The following LRFN5 variants were observed in gnomAD, a reference collection of about 807,000 sequenced individuals.
LRFN5 encodes leucine rich repeat and fibronectin type III domain containing 5.
In LRFN5, 24 loss-of-function variants were observed where a neutral mutation model predicts 45.6. The observed-to-expected ratio is 0.53, with a 90% CI of 0.38 to 0.74. The LOEUF (loss-of-function observed/expected upper bound fraction) is 0.74. Among genes scored for constraint, LRFN5 ranks in the 30% least tolerant of loss-of-function variants. The pLI, the probability that LRFN5 is intolerant of heterozygous loss-of-function variation, is 0.00. For missense variants in LRFN5, 776 were observed against 861.5 expected (o/e 0.90, Z 1.24); for synonymous variants, 340 against 313.8 (o/e 1.08, Z -0.88).
intron 1 of LRFN5, among the ~76,000 whole-genome samples, chr14:41,630,130 C>T (rs1888484067): frequency 1.3e-5 from 2 of 152,068 alleles, no homozygotes; most frequent in African/African-American, 4.8e-5. Flanking sequence ...TGACAGTTTT[C>T]TCAGAGGTTT....
rs534516455 is a variant in LRFN5, at chr14:41,674,778, C to T, written c.-197+66216C>T. Among the ~76,000 whole-genome samples, 183 of 151,114 alleles carry T rather than the reference C, an allele frequency of 1.2e-3. 3 individuals are homozygous for T. The highest frequency in any genetic ancestry group is 0.011 in the Admixed American group (173 of 15,246). Reference sequence around the variant, plus strand: ...CTCACTTCCCAGACGGGGTGGCTGCCGGGCGGAGAGGCTCCTCACTTCTCA... The same window carrying T: ...CTCACTTCCCAGACGGGGTGGCTGCTGGGCGGAGAGGCTCCTCACTTCTCA... On this transcript the variant is annotated intron_variant, in intron 1 of 5. Transcript: ENST00000298119.
At chr14:41,629,818 GTAGCTTCA>G (rs1345189562) in intron 1 of LRFN5, among the ~76,000 whole-genome samples, 1 of 152,128 alleles carries the variant, frequency 6.6e-6, no homozygotes, top group Non-Finnish European at 1.5e-5. Flanking sequence ...TTTCTTCTAA[GTAGCTTCA>G]TAAGTTGCAG....
At chr14:41,644,594 G>C (rs1159180634) in intron 1 of LRFN5, among the ~76,000 whole-genome samples, 1 of 152,142 alleles carries the variant, frequency 6.6e-6, no homozygotes, top group South Asian at 2.1e-4. Flanking sequence ...TTTTGTGTGT[G>C]TGTGTGTTAT....
intron 2 of LRFN5, among the ~76,000 whole-genome samples, chr14:41,788,042 C>A (rs995170854): frequency 1.3e-5 from 2 of 152,046 alleles, no homozygotes; most frequent in Non-Finnish European, 2.9e-5. Flanking sequence ...GGAAAAGAGC[C>A]CTCACCAGAA....
At chr14:41,795,398 A>G (rs1887083513) in intron 2 of LRFN5, among the ~76,000 whole-genome samples, 1 of 152,090 alleles carries the variant, frequency 6.6e-6, no homozygotes, top group Admixed American at 6.6e-5. Context: ...AACTAGAAAT[A>G]CCATTTGACC....
At chr14:41,797,221 A>G (rs1887163491) in intron 2 of LRFN5, among the ~76,000 whole-genome samples, 1 of 151,698 alleles carries the variant, frequency 6.6e-6, no homozygotes, top group Admixed American at 6.6e-5. Context: ...GAAATTATTT[A>G]TTTATTTGGG....
intron 2 of LRFN5, among the ~76,000 whole-genome samples, chr14:41,801,278 T>A (rs551991767): frequency 1.2e-4 from 19 of 152,110 alleles, no homozygotes; most frequent in Non-Finnish European, 2.4e-4. Context: ...GAGGATTAAG[T>A]ATATGTATGT....
intron 2 of LRFN5, among the ~76,000 whole-genome samples, chr14:41,784,388 TA>T (rs1703207062): frequency 6.6e-6 from 1 of 151,620 alleles, no homozygotes; most frequent in Non-Finnish European, 1.5e-5. Context: ...TAAAAATTTT[TA>T]TTTCTTTTTT....
At chr14:41,692,600 G>A (rs1408658499) in intron 1 of LRFN5, among the ~76,000 whole-genome samples, 2 of 152,040 alleles carry the variant, frequency 1.3e-5, no homozygotes, top group African/African-American at 2.4e-5. Context: ...AGTGTGTGAT[G>A]TTCCCCTTCC....
chr14:41,734,344 A>ATATATATATATATATATATATATATAT (rs1428416141), intron 1 of LRFN5, among the ~76,000 whole-genome samples: 2 of 105,980 alleles, frequency 1.9e-5, no homozygotes, highest in Non-Finnish European at 3.9e-5. Flanking sequence ...ATATATATAT[A>ATATATATATATATATATATATATATAT]TTTAAATTTG....
At chr14:41,709,879 G>A (rs185886106) in intron 1 of LRFN5, among the ~76,000 whole-genome samples, 18 of 152,082 alleles carry the variant, frequency 1.2e-4, no homozygotes, top group Admixed American at 9.2e-4. Context: ...AAAATAAAAT[G>A]TATTGCAGCT....
chr14:41,730,240 A>G (rs1446852279), intron 1 of LRFN5, among the ~76,000 whole-genome samples: 1 of 152,088 alleles, frequency 6.6e-6, no homozygotes, highest in Non-Finnish European at 1.5e-5. Context: ...TATTACAAAG[A>G]TGATATGAAC....
rs137922732 is a variant in LRFN5, at chr14:41,877,866, C to T, written c.-20-8740C>T. On this transcript the variant is annotated intron_variant, in intron 2 of 5. Transcript: ENST00000298119. ...GTTGCAGTTGCTAAACACATCTTCC[C>T]GAAAATATTAATGAAAGGATAAATA... Among the ~76,000 whole-genome samples the T allele has an allele frequency of 3.9e-3, 587 of 151,926 alleles. 6 individuals are homozygous for T. Among genetic ancestry groups the T allele is most frequent in the African/African-American group, 0.013 (558 of 41,426 alleles).
Position 41,887,469 on chromosome 14 carries a change from T to G in LRFN5, c.844T>G (p.Phe282Val). The change falls in exon 3 of 6, where the codon TTT becomes GTT. Residue 282 changes from phenylalanine (F) to valine (V), a missense_variant. By Grantham distance (50) the Phe-to-Val change is conservative (BLOSUM62 -1). Around this residue, in one of 2 missense-constraint regions of LRFN5, gnomAD observed 311 missense variants for 405.1 expected, o/e 0.77. Coordinates refer to ENST00000298119, the MANE Select transcript of LRFN5 (RefSeq NM_152447.5). The surrounding 1 kb of genome is among the most constrained non-coding windows in gnomAD (Gnocchi z 4.8). The stretch of plus-strand genomic sequence containing the variant: ...CTTTTGGTCAATTCCTGAAGAAGAG[T>G]TTTTGTGTGAGCCTCCTCTCATTAC... ...RYFWSIPEEEFLCEPPLITRH... is the reference protein window; with the variant it reads ...RYFWSIPEEEVLCEPPLITRH... The G allele has an allele frequency of 6.2e-7, 1 of 1,613,998 alleles. No individual in the cohort carries two copies. Among genetic ancestry groups the G allele is most frequent in the Non-Finnish European group, 8.5e-7 (1 of 1,179,992 alleles).
intron 1 of LRFN5, among the ~76,000 whole-genome samples, chr14:41,690,005 C>G (rs1882303812): frequency 1.3e-5 from 2 of 150,252 alleles, no homozygotes; most frequent in South Asian, 4.2e-4. Flanking sequence ...TAACTTTTTA[C>G]AAACTCTCTT....
intron 2 of LRFN5, among the ~76,000 whole-genome samples, chr14:41,851,617 A>AT (rs1889270576): frequency 6.6e-6 from 1 of 151,752 alleles, no homozygotes; most frequent in South Asian, 2.1e-4. Context: ...TGGTTGTTTA[A>AT]TTTTTTCTGA....
At chr14:41,857,353 C>G (rs1429948808) in intron 2 of LRFN5, among the ~76,000 whole-genome samples, 2 of 151,992 alleles carry the variant, frequency 1.3e-5, no homozygotes, top group Non-Finnish European at 2.9e-5. Flanking sequence ...TCCCTGGAAA[C>G]AGAAAAGAGA....
intron 2 of LRFN5, among the ~76,000 whole-genome samples, chr14:41,806,618 C>A (rs190452457): frequency 6.6e-6 from 1 of 151,974 alleles, no homozygotes; most frequent in African/African-American, 2.4e-5. Flanking sequence ...GAAAATGAGC[C>A]CAGATGTTGG....
chr14:41,755,553 T>C (rs1412259400), intron 1 of LRFN5, among the ~76,000 whole-genome samples: 1 of 152,188 alleles, frequency 6.6e-6, no homozygotes, highest in African/African-American at 2.4e-5. Context: ...CTTTGTTGGT[T>C]TAAAGTCTGT....
Sources: allele counts gnomAD v4.1 joint callset (sites outside exome capture counted in the v4.1 genomes callset), GRCh38; gene constraint gnomAD v4.1.1; regional missense constraint gnomAD v4.1.1; non-coding constraint Gnocchi (gnomAD v3.1); transcripts MANE v1.5; gene names NCBI Gene and HGNC (gene_info 2026-07-23, HGNC 2026-07-21).